CTNND2: variants seen among roughly 807,000 people sequenced by gnomAD.
CTNND2 encodes the protein catenin delta-2.
In CTNND2, 22 loss-of-function variants were observed where a neutral mutation model predicts 144.4. That is an observed-to-expected ratio of 0.15 (90% CI 0.11 to 0.22). CTNND2 has a LOEUF of 0.22. Ranked by LOEUF, CTNND2 falls within the 10% of genes least tolerant of loss-of-function variation. CTNND2 has a pLI of 1.00. For synonymous variants in CTNND2, 751 were observed against 695.6 expected (o/e 1.08, Z -1.25); for missense variants, 1,353 against 1,618.8 (o/e 0.84, Z 2.82).
At chr5:11,566,293 T>G (rs952525023) in intron 2 of CTNND2, among the ~76,000 whole-genome samples, 1 of 152,206 alleles carries the variant, frequency 6.6e-6, no homozygotes, top group African/African-American at 2.4e-5. Context: ...TTTTTTAACC[T>G]CAAACTTTTA....
chr5:11,311,936 CA>C, intron 9 of CTNND2, among the ~76,000 whole-genome samples: 1 of 149,498 alleles, frequency 6.7e-6, no homozygotes, highest in Non-Finnish European at 1.5e-5. Flanking sequence ...CCCCCACACA[CA>C]CTCACACACA....
intron 9 of CTNND2, among the ~76,000 whole-genome samples, chr5:11,310,566 A>G (rs1326041624): frequency 6.6e-6 from 1 of 151,724 alleles, no homozygotes; most frequent in Non-Finnish European, 1.5e-5. Context: ...CATTCATAAC[A>G]CCTGGGGAGT....
intron 7 of CTNND2, among the ~76,000 whole-genome samples, chr5:11,382,239 A>T (rs1449177216): frequency 6.6e-6 from 1 of 152,186 alleles, no homozygotes; most frequent in Non-Finnish European, 1.5e-5. Flanking sequence ...AAGGCCAAGG[A>T]TTTTGGCTGA....
At chr5:11,207,913 G>A (rs1318027546) in intron 10 of CTNND2, among the ~76,000 whole-genome samples, 1 of 152,032 alleles carries the variant, frequency 6.6e-6, no homozygotes, top group Admixed American at 6.6e-5. Flanking sequence ...ATAAGGAGGT[G>A]AGTCATTTGG....
intron 1 of CTNND2, among the ~76,000 whole-genome samples, chr5:11,736,058 A>C (rs1787667297): frequency 6.6e-6 from 1 of 152,192 alleles, no homozygotes; most frequent in Non-Finnish European, 1.5e-5. Flanking sequence ...CAAAGTTATT[A>C]AGTCACATAA....
intron 9 of CTNND2, among the ~76,000 whole-genome samples, chr5:11,333,015 T>C (rs76172807): frequency 0.014 from 2,080 of 152,342 alleles, 36 homozygotes; most frequent in Non-Finnish European, 0.022. Context: ...TTTGTCTTTA[T>C]AAATCACCCA....
intron 9 of CTNND2, among the ~76,000 whole-genome samples, chr5:11,312,266 TC>T (rs1172277295): frequency 7.1e-6 from 1 of 140,462 alleles, no homozygotes; most frequent in African/African-American, 2.7e-5. Flanking sequence ...ATACATCCTC[TC>T]CCCCTACCCC....
At chr5:11,530,312 G>A (rs557343518) in intron 3 of CTNND2, among the ~76,000 whole-genome samples, 4 of 152,136 alleles carry the variant, frequency 2.6e-5, no homozygotes, top group East Asian at 1.9e-4. Flanking sequence ...ATCCTGCCTC[G>A]ATAACCATCA....
intron 1 of CTNND2, among the ~76,000 whole-genome samples, chr5:11,840,214 C>A (rs1351686302): frequency 1.3e-5 from 2 of 152,110 alleles, no homozygotes; most frequent in Non-Finnish European, 2.9e-5. Context: ...ACCCACCCAC[C>A]AAAATCCATG....
intron 9 of CTNND2, among the ~76,000 whole-genome samples, chr5:11,302,093 T>G (rs1327801051): frequency 6.6e-6 from 1 of 152,170 alleles, no homozygotes; most frequent in East Asian, 1.9e-4. Context: ...CAAATTTGCT[T>G]TCCTTGACTT....
chr5:11,151,556 C>T (rs1161545429), intron 12 of CTNND2, among the ~76,000 whole-genome samples: 1 of 152,158 alleles, frequency 6.6e-6, no homozygotes, highest in African/African-American at 2.4e-5. Flanking sequence ...TTCATGTCTT[C>T]ATAGGAATAA....
chr5:11,217,956 G>C lies in CTNND2; in HGVS notation c.1762-18295C>G, dbSNP rs1338515587. 3.9e-5 allele frequency among the ~76,000 whole-genome samples: 6 copies of C among 152,154 alleles called. No individual in the cohort carries two copies. In the South Asian group the frequency reaches 1.0e-3, roughly 26 times the overall value. On this transcript the variant is annotated intron_variant, in intron 10 of 21. Transcript: ENST00000304623. ...CCACTGAAGACCTTGAGAGCTTCTT[G>C]TTGTTTGGGACCACCTTAAAAAATA... is the stretch of plus-strand genomic sequence containing the variant.
intron 3 of CTNND2, among the ~76,000 whole-genome samples, chr5:11,460,282 A>G (rs1766077283): frequency 6.6e-6 from 1 of 152,188 alleles, no homozygotes; most frequent in Admixed American, 6.5e-5. Flanking sequence ...TTTATCCAAG[A>G]ACAAAGAGAA....
At chr5:11,599,035 C>G (rs1010977866) in intron 2 of CTNND2, among the ~76,000 whole-genome samples, 9 of 152,148 alleles carry the variant, frequency 5.9e-5, no homozygotes. Flanking sequence ...CTGCCACACA[C>G]TTTTAAACCA....
At chr5:11,111,793 T>G (rs2079245) in intron 13 of CTNND2, among the ~76,000 whole-genome samples, 52,208 of 151,904 alleles carry the variant, frequency 0.34, 9,156 homozygotes, top group East Asian at 0.52. Flanking sequence ...TGTGCATTAG[T>G]TGAGCTAAAA....
intron 3 of CTNND2, among the ~76,000 whole-genome samples, chr5:11,430,309 T>C (rs1223647649): frequency 2.0e-5 from 2 of 99,642 alleles, no homozygotes; most frequent in East Asian, 5.6e-4. Context: ...AGAGTTAGTA[T>C]AAAAAACATA....
At chr5:11,532,806 G>T (rs1023039915) in intron 3 of CTNND2, among the ~76,000 whole-genome samples, 1 of 152,196 alleles carries the variant, frequency 6.6e-6, no homozygotes, top group Non-Finnish European at 1.5e-5. Context: ...ACATGATCAA[G>T]GATCTGGATC....
chr5:11,184,085 G>A (rs115441111), intron 11 of CTNND2, among the ~76,000 whole-genome samples: 8 of 152,158 alleles, frequency 5.3e-5, no homozygotes, highest in African/African-American at 1.4e-4. Context: ...GTTAATAAAA[G>A]TGTTTCTGAA....
At position 11,866,624 on chromosome 5, in the gene CTNND2, G is replaced by A. The variant is rs1052491376; in HGVS notation, c.37+37193C>T. On this transcript the variant is annotated intron_variant, in intron 1 of 21. Transcript: ENST00000304623. Reference sequence around the variant, plus strand: ...TTGTACCTAAAGTGTGCAGCACAGTGCCTGGCACATCCTACGTGCTAAATG... The same window carrying A: ...TTGTACCTAAAGTGTGCAGCACAGTACCTGGCACATCCTACGTGCTAAATG... 2.6e-5 allele frequency among the ~76,000 whole-genome samples: 4 copies of A among 152,226 alleles called. No homozygotes were observed. In the East Asian group the frequency reaches 7.7e-4, roughly 29 times the overall value.
Sources: gnomAD v4.1 joint callset for allele counts (sites outside exome capture counted in the v4.1 genomes callset) on GRCh38, gnomAD v4.1.1 for gene constraint, MANE v1.5 for transcripts, NCBI Gene and HGNC (gene_info 2026-07-23, HGNC 2026-07-21) for gene names.